The following DSC3 variants were observed in gnomAD, a reference collection of about 807,000 sequenced individuals.
DSC3 encodes the protein desmocollin 3.
DSC3 carries 97 observed loss-of-function variants against 89.5 expected under a neutral mutation model. The observed-to-expected ratio is 1.08, with a 90% CI of 0.92 to 1.28. The LOEUF (loss-of-function observed/expected upper bound fraction) is 1.28. DSC3 is among the 50% of genes most tolerant of loss of function. The probability of loss-of-function intolerance (pLI) is 0.00; values close to 1 mark genes in which losing one functional copy is unlikely to be tolerated. For synonymous variants in DSC3, 436 were observed against 384.1 expected (o/e 1.14, Z -1.58); for missense variants, 1,199 against 1,085.3 (o/e 1.10, Z -1.47).
chr18:31,017,578 C>T (rs1348141649), intron 9 of DSC3, among the ~76,000 whole-genome samples: 2 of 151,994 alleles, frequency 1.3e-5, no homozygotes, highest in Non-Finnish European at 2.9e-5. Context: ...TACAACCAGG[C>T]ATATATTATA....
At chr18:31,018,872 A>G (rs1378792512) in intron 7 of DSC3, 72 bp from the exon 8 acceptor site, 2 of 1,354,372 alleles carry the variant, frequency 1.5e-6, no homozygotes, top group Non-Finnish European at 2.1e-6. Flanking sequence ...CCTCAATTGC[A>G]CACTCACTCA....
At chr18:31,017,855 T>G (rs538469683) in intron 9 of DSC3, among the ~76,000 whole-genome samples, 4 of 152,234 alleles carry the variant, frequency 2.6e-5, no homozygotes, top group Admixed American at 2.6e-4. Flanking sequence ...ATGGAGATCC[T>G]TATAAATGAG....
In DSC3 at chr18:31,032,787, G is replaced by A. The variant is rs537250200; in HGVS notation, c.70-511C>T. On this transcript the variant is annotated intron_variant, in intron 1 of 15. Transcript: ENST00000360428. ...ATTTTTATATTTTTAGTAGGGATGG[G>A]GTTTCACCATGCTTCTATTTAACAT... 1.5e-4 allele frequency among the ~76,000 whole-genome samples: 23 copies of A among 152,138 alleles called. 1 individual carries two copies. Among genetic ancestry groups the A allele is most frequent in the African/African-American group, 5.5e-4 (23 of 41,506 alleles).
At chr18:30,995,963 C>T (rs1984439931) in intron 15 of DSC3, among the ~76,000 whole-genome samples, 1 of 80,950 alleles carries the variant, frequency 1.2e-5, no homozygotes, top group African/African-American at 4.6e-5. Flanking sequence ...CAGAGCAAGA[C>T]CCTGCCTTAA....
At position 31,025,526 on chromosome 18, in the gene DSC3, T is replaced by A. The variant is rs166724; in HGVS notation, c.630+234A>T. Among the ~76,000 whole-genome samples, 73,289 of 151,954 alleles carry A rather than the reference T, an allele frequency of 0.48. 18,330 individuals carry two copies. The highest frequency in any genetic ancestry group is 0.88 in the East Asian group (4,577 of 5,178). ...TTTACTGACATTTACATCGAAATACTTTGAAATTTATGTTCAAATATTGAA... is the reference window on the plus strand; with the variant it reads ...TTTACTGACATTTACATCGAAATACATTGAAATTTATGTTCAAATATTGAA... On this transcript the variant is annotated intron_variant, in intron 5 of 15. Coordinates refer to ENST00000360428, the MANE Select transcript of DSC3 (RefSeq NM_001941.5).
At chr18:30,994,481 G>A in intron 15 of DSC3, 109 bp from the exon 16 acceptor site, 1 of 1,593,024 alleles carries the variant, frequency 6.3e-7, no homozygotes, top group Non-Finnish European at 8.6e-7. Flanking sequence ...TAACCAGTGT[G>A]TCCTCTAATG....
intron 14 of DSC3, 70 bp downstream of exon 14, chr18:31,001,548 T>C: frequency 6.5e-7 from 1 of 1,545,120 alleles, no homozygotes; most frequent in Admixed American, 1.8e-5. Flanking sequence ...TCCTAAATTT[T>C]GAAATGAGTT....
chr18:31,023,801 C>G (rs1985503243), intron 6 of DSC3, among the ~76,000 whole-genome samples: 1 of 151,954 alleles, frequency 6.6e-6, no homozygotes. Flanking sequence ...CATGTAAGAG[C>G]AAGTGTTTAG....
At chr18:31,005,303 C>T (rs536792108) in intron 12 of DSC3, among the ~76,000 whole-genome samples, 1 of 152,330 alleles carries the variant, frequency 6.6e-6, no homozygotes, top group Admixed American at 6.5e-5. Flanking sequence ...GAGCCATTGT[C>T]ATGTCTCAGT....
chr18:31,029,767 TAATAAAGTC>T, intron 3 of DSC3, 139 bp from the exon 4 acceptor site: 1 of 1,043,228 alleles, frequency 9.6e-7, no homozygotes, highest in Non-Finnish European at 1.4e-6. Context: ...CTAAACCAGT[TAATAAAGTC>T]TTTCTGCATT....
At chr18:30,999,901 G>A (rs1984595521) in intron 14 of DSC3, among the ~76,000 whole-genome samples, 1 of 152,060 alleles carries the variant, frequency 6.6e-6, no homozygotes, top group African/African-American at 2.4e-5. Flanking sequence ...CACAGAACAG[G>A]TACATATTGT....
At position 31,018,089 on chromosome 18, in the gene DSC3, A is replaced by G. The variant is rs773439531; in HGVS notation, c.1245T>C (p.Gly415=). 5.0e-6 allele frequency: 8 copies of G among 1,612,366 alleles called. No individual in the cohort carries two copies. Among genetic ancestry groups the G allele is most frequent in the Non-Finnish European group, 6.8e-6 (8 of 1,179,198 alleles). ...KISTDKETNE[G]VLSVVKPLNY... ...ACTGTACCTTTACAACAGAAAGAAC[A>G]CCTTCATTAGTTTCTTTGTCTGTGC... The change falls in exon 9 of 16, where the codon GGT becomes GGC. Residue 415 remains glycine (G), a synonymous_variant. Transcript: ENST00000360428.
intron 15 of DSC3, among the ~76,000 whole-genome samples, chr18:30,995,971 T>TA (rs1196444633): frequency 0.035 from 1,284 of 36,994 alleles, 126 homozygotes; most frequent in African/African-American, 0.12. Flanking sequence ...GACCCTGCCT[T>TA]AAAAAAAAAA....
chr18:31,032,546 CTGTGTGTATGTGTG>C (rs1253839264), intron 1 of DSC3, among the ~76,000 whole-genome samples: 6 of 133,734 alleles, frequency 4.5e-5, no homozygotes, highest in African/African-American at 1.2e-4. Context: ...CTAACTGCTT[CTGTGTGTATGTGTG>C]TGTGTGTGTG....
intron 1 of DSC3, among the ~76,000 whole-genome samples, chr18:31,038,885 A>C (rs1193963839): frequency 6.6e-6 from 1 of 152,072 alleles, no homozygotes; most frequent in Non-Finnish European, 1.5e-5. Context: ...ATTCATTAAT[A>C]CAACTTTTGA....
intron 12 of DSC3, among the ~76,000 whole-genome samples, chr18:31,005,923 T>G (rs1356088059): frequency 6.6e-6 from 1 of 152,104 alleles, no homozygotes; most frequent in Non-Finnish European, 1.5e-5. Flanking sequence ...GACGAGTGCT[T>G]AATAGATAGT....
chr18:31,018,114 C>T lies in DSC3; in HGVS notation c.1220G>A (p.Ser407Asn). 6.2e-7 allele frequency: 1 copy of T among 1,612,716 alleles called. No individual in the cohort carries two copies. The highest frequency in any genetic ancestry group is 1.7e-5 in the Admixed American group (1 of 59,930). The stretch of plus-strand genomic sequence containing the variant: ...ACCTTCATTAGTTTCTTTGTCTGTG[C>T]TGATTTTGAAATGTCCATTTTCATT... ...KGNENGHFKISTDKETNEGVL... is the reference protein window; with the variant it reads ...KGNENGHFKINTDKETNEGVL... The change falls in exon 9 of 16, where the codon AGC becomes AAC. Residue 407 changes from serine (S) to asparagine (N), a missense_variant. Coordinates refer to ENST00000360428, the MANE Select transcript of DSC3 (RefSeq NM_001941.5).
chr18:30,994,783 T>C (rs1984401121), intron 15 of DSC3, among the ~76,000 whole-genome samples: 1 of 152,192 alleles, frequency 6.6e-6, no homozygotes, highest in African/African-American at 2.4e-5. Context: ...CTATATGACT[T>C]TGGGCAAGTG....
rs936649475 is a variant in DSC3, at chr18:31,032,292, T to C, written c.70-16A>G. ...GACTGAAGATCTAGAATTTAAAAGGTCACATTAATACAGTAGAAAATAAAG... is the reference window on the plus strand; with the variant it reads ...GACTGAAGATCTAGAATTTAAAAGGCCACATTAATACAGTAGAAAATAAAG... On this transcript the variant is annotated splice_polypyrimidine_tract_variant and intron_variant, in intron 1 of 15. Transcript: ENST00000360428. 1 of 1,571,900 alleles carries C rather than the reference T, an allele frequency of 6.4e-7. No homozygotes were observed. The highest frequency in any genetic ancestry group is 1.3e-5 in the African/African-American group (1 of 74,176).
Sources: allele counts gnomAD v4.1 joint callset (sites outside exome capture counted in the v4.1 genomes callset), GRCh38; gene constraint gnomAD v4.1.1; transcripts MANE v1.5; gene names NCBI Gene and HGNC (gene_info 2026-07-23, HGNC 2026-07-21).